The following PKD1L3 variants were observed in gnomAD, a reference collection of about 807,000 sequenced individuals.
PKD1L3 encodes polycystin 1 like 3, transient receptor potential channel interacting.
In PKD1L3, 239 loss-of-function variants were observed where a neutral mutation model predicts 184.1. That is an observed-to-expected ratio of 1.30 (90% confidence interval 1.17 to 1.45). The LOEUF (loss-of-function observed/expected upper bound fraction) is 1.45. Ranked by LOEUF, PKD1L3 falls within the 40% of genes most tolerant of loss-of-function variation. The pLI, the probability that PKD1L3 is intolerant of heterozygous loss-of-function variation, is 0.00. For missense variants in PKD1L3, 2,660 were observed against 2,067.2 expected, an observed-to-expected ratio of 1.29 and a Z score of -5.56; for synonymous variants, 996 against 778.8, an observed-to-expected ratio of 1.28 and a Z score of -4.64.
chr16:71,992,535 A>T (rs2040629732), intron 3 of PKD1L3, among the ~76,000 whole-genome samples: 1 of 152,324 alleles, frequency 6.6e-6, no homozygotes, highest in South Asian at 2.1e-4. Context: ...AGTTTTCCAA[A>T]ATATGTCATC....
chr16:71,987,785 T>C (rs912220113), intron 4 of PKD1L3, among the ~76,000 whole-genome samples: 6 of 152,080 alleles, frequency 3.9e-5, no homozygotes, highest in African/African-American at 1.4e-4. Flanking sequence ...ATTACAGGCA[T>C]GAGGCACTGT....
At chr16:71,965,715 G>T (rs893439560) in intron 15 of PKD1L3, among the ~76,000 whole-genome samples, 2 of 151,918 alleles carry the variant, frequency 1.3e-5, no homozygotes, top group Non-Finnish European at 2.9e-5. Flanking sequence ...CACCATGCCC[G>T]GCTAATTTTT....
intron 21 of PKD1L3, among the ~76,000 whole-genome samples, chr16:71,949,053 T>C (rs995440175): frequency 2.0e-5 from 3 of 152,144 alleles, no homozygotes; most frequent in Non-Finnish European, 2.9e-5. Flanking sequence ...AAGTCTGATA[T>C]TGTTCCCCCC....
Position 71,954,095 on chromosome 16 carries a change from T to C in PKD1L3, c.2809+10A>G, listed in dbSNP as rs2038955607. The C allele has an allele frequency of 2.0e-6, 3 of 1,516,580 alleles. No individual in the cohort carries two copies. The highest frequency in any genetic ancestry group is 2.7e-6 in the Non-Finnish European group (3 of 1,131,780). 93.9% of individuals were successfully genotyped at this position (1,516,580 alleles called of 1,614,324 possible). Reference sequence around the variant, plus strand: ...TACTACAAACAACACACATCAGGGCTCATCCATACTTTGCTCATCTCTCTT... The same window carrying C: ...TACTACAAACAACACACATCAGGGCCCATCCATACTTTGCTCATCTCTCTT... On this transcript the variant is annotated intron_variant, in intron 17 of 29. Coordinates refer to ENST00000620267, the MANE Select transcript of PKD1L3 (RefSeq NM_181536.2).
At chr16:71,975,092 G>C (rs1257329655) in intron 11 of PKD1L3, among the ~76,000 whole-genome samples, 1 of 152,054 alleles carries the variant, frequency 6.6e-6, no homozygotes, top group African/African-American at 2.4e-5. Flanking sequence ...GTCTTGCTCT[G>C]TCACCCAGGC....
chr16:71,945,687 TAAATAA>T (rs2038577292), intron 22 of PKD1L3, among the ~76,000 whole-genome samples: 1 of 151,328 alleles, frequency 6.6e-6, no homozygotes, highest in Admixed American at 6.6e-5. Context: ...CATAAATAAA[TAAATAA>T]AAATAAAAAT....
Position 71,990,325 on chromosome 16 carries a change from A to C in PKD1L3, c.540T>G (p.Pro180=). 6.5e-7 allele frequency: 1 copy of C among 1,547,306 alleles called. No homozygotes were observed. The highest frequency in any genetic ancestry group is 8.7e-7 in the Non-Finnish European group (1 of 1,143,648). Residue 180 remains proline, a synonymous_variant, in exon 4 of 30, where the codon CCT becomes CCG. Transcript: ENST00000620267. ...AGTGACATGTGGTTGGAAGATGACC[A>C]GGTCCTATAGAAAAAAGAAAGCAGA... ...AIARDKMPPG[P]GHLPTTCHYP... is the part of the protein sequence containing the mutation.
Position 71,977,223 on chromosome 16 carries a change from G to T in PKD1L3, c.1759+13C>A. ...AAATCAAAGTAAGTTTCTGACAGCT[G>T]ATTGGGTTTTACCTTTTTGCCACAC... is the stretch of plus-strand genomic sequence containing the variant. On this transcript the variant is annotated intron_variant, in intron 11 of 29. Transcript: ENST00000620267. 1 of 1,487,054 alleles carries T rather than the reference G, an allele frequency of 6.7e-7. No homozygotes were observed. The allele number at this position is 1,487,054 out of a possible 1,614,324, so 92.1% of individuals were successfully genotyped here. A position where few individuals can be genotyped will look rare whatever the true frequency, so the allele number is the denominator to read the frequency against.
intron 11 of PKD1L3, 52 bp downstream of exon 11, chr16:71,977,184 T>C: frequency 7.3e-7 from 1 of 1,365,014 alleles, no homozygotes; most frequent in Non-Finnish European, 1.0e-6. Flanking sequence ...CTGCACTACA[T>C]CCTAGGCAAA....
At position 71,979,994 on chromosome 16, in the gene PKD1L3, T is replaced by C. The variant is rs1472034734; in HGVS notation, c.1271+13A>G. 49 of 1,551,514 alleles carry C rather than the reference T, an allele frequency of 3.2e-5. No homozygotes were observed. The highest frequency in any genetic ancestry group is 4.3e-5 in the Non-Finnish European group (49 of 1,146,970). Reference sequence around the variant, plus strand: ...ACACAGTGAAACTCTCCCCGTTCCTTCTTCCCATTAACCTGCTCAGCAGCA... The same window carrying C: ...ACACAGTGAAACTCTCCCCGTTCCTCCTTCCCATTAACCTGCTCAGCAGCA... On this transcript the variant is annotated intron_variant, in intron 8 of 29. Transcript: ENST00000620267.
At chr16:71,987,337 C>T (rs1359937592) in intron 4 of PKD1L3, among the ~76,000 whole-genome samples, 2 of 152,036 alleles carry the variant, frequency 1.3e-5, no homozygotes, top group Admixed American at 1.3e-4. Context: ...CCTCCTGCCT[C>T]AGCCTCCCAA....
At chr16:71,987,363 GGCACACA>G (rs1301160843) in intron 4 of PKD1L3, among the ~76,000 whole-genome samples, 1 of 151,848 alleles carries the variant, frequency 6.6e-6, no homozygotes, top group Non-Finnish European at 1.5e-5. Context: ...TGGGACTACA[GGCACACA>G]CCACCATGCC....
rs1442943134 is a variant in PKD1L3 at position 71,999,829 on chromosome 16, G to T, written c.150C>A (p.Tyr50Ter). 6.4e-7 allele frequency: 1 copy of T among 1,551,632 alleles called. No homozygotes were observed. The highest frequency in any genetic ancestry group is 8.7e-7 in the Non-Finnish European group (1 of 1,147,014). The change falls in exon 1 of 30, where the codon TAC becomes TAA. Residue 50 changes from tyrosine (Y) to a stop codon, truncating the protein, a stop_gained. Transcript: ENST00000620267. LOFTEE classifies it high-confidence loss of function. ...FQCSFEEAQH[Y>*]CHVQRGFLAH... The stretch of plus-strand genomic sequence containing the variant: ...CTAGGAATCCTCTCTGCACATGACA[G>T]TAATGCTGTGCTTCCTCAAAGCTGC...
chr16:71,967,172 C>T lies in PKD1L3; in HGVS notation c.2430G>A (p.Arg810=). The T allele has an allele frequency of 6.4e-7, 1 of 1,551,674 alleles. No individual in the cohort carries two copies. The highest frequency in any genetic ancestry group is 8.7e-7 in the Non-Finnish European group (1 of 1,146,950). The change falls in exon 15 of 30, where the codon CGG becomes CGA. Residue 810 remains arginine, a synonymous_variant. Transcript: ENST00000620267. ...TGACGCCAGAATTGTCATGCCAGAG[C>T]CGAAGGCTGTGCAGGTTCCCTAGAG... ...WTSLGNLHSL[R]LWHDNSGVSP...
Position 71,930,081 on chromosome 16 carries a change from C to A in PKD1L3, c.5029G>T (p.Ala1677Ser). The change falls in exon 29 of 30, where the codon GCC (alanine) becomes TCC (serine). Residue 1677 changes from alanine (A) to serine (S), a missense_variant. Ala to Ser is a moderately conservative substitution (Grantham distance 99). Coordinates refer to ENST00000620267, the MANE Select transcript of PKD1L3 (RefSeq NM_181536.2). Reference sequence around the variant, plus strand: ...AGCGACTTTCTTTCTTTTCCAAAGGCCATGAGAATGGCCGAAACGAAAAGA... The same window carrying A: ...AGCGACTTTCTTTCTTTTCCAAAGGACATGAGAATGGCCGAAACGAAAAGA... Reference protein sequence around the residue: ...INLFVSAILMAFGKERKSLKK... With the variant: ...INLFVSAILMSFGKERKSLKK... 1.3e-6 allele frequency: 2 copies of A among 1,551,476 alleles called. No homozygotes were observed. Among genetic ancestry groups the A allele is most frequent in the Non-Finnish European group, 1.7e-6 (2 of 1,146,908 alleles).
chr16:71,944,490 C>T (rs1178624464), intron 22 of PKD1L3, among the ~76,000 whole-genome samples: 1 of 152,002 alleles, frequency 6.6e-6, no homozygotes, highest in African/African-American at 2.4e-5. Context: ...GTTGACCAGC[C>T]TGGTCAACAT....
chr16:71,930,235 T>C (rs1170476828), intron 28 of PKD1L3, 52 bp from the exon 29 acceptor site: 19 of 1,485,814 alleles, frequency 1.3e-5, no homozygotes, highest in Non-Finnish European at 1.4e-5. Flanking sequence ...GTTTATACTT[T>C]ACAAACATAA....
At chr16:71,955,860 G>T (rs981820804) in intron 16 of PKD1L3, among the ~76,000 whole-genome samples, 5 of 152,150 alleles carry the variant, frequency 3.3e-5, no homozygotes, top group Admixed American at 6.6e-5. Context: ...GCCATGTGAA[G>T]AAGGATGTGT....
At chr16:71,998,016 C>T (rs758497174) in intron 2 of PKD1L3, among the ~76,000 whole-genome samples, 5 of 152,152 alleles carry the variant, frequency 3.3e-5, no homozygotes, top group Non-Finnish European at 5.9e-5. Context: ...AATACAATTT[C>T]TCCCACACTC....
Sources: gnomAD v4.1 joint callset for allele counts (sites outside exome capture counted in the v4.1 genomes callset) on GRCh38, gnomAD v4.1.1 for gene constraint, MANE v1.5 for transcripts, NCBI Gene and HGNC (gene_info 2026-07-23, HGNC 2026-07-21) for gene names.